Variants in ADAMTS18 observed in about 807,000 individuals in gnomAD.
ADAMTS18 encodes ADAM metallopeptidase with thrombospondin type 1 motif 18.
ADAMTS18 carries 157 observed loss-of-function variants against 165.9 expected under a neutral mutation model. The observed-to-expected ratio is 0.95, with a 90% CI of 0.83 to 1.08. ADAMTS18 has a LOEUF of 1.08. Ranked by LOEUF, ADAMTS18 falls within the 50% of genes least tolerant of loss-of-function variation. ADAMTS18 has a pLI of 0.00. For synonymous variants in ADAMTS18, 782 were observed against 578.2 expected, an observed-to-expected ratio of 1.35 and a Z score of -5.06; for missense variants, 2,040 against 1,534.0, an observed-to-expected ratio of 1.33 and a Z score of -5.51.
intron 3 of ADAMTS18, among the ~76,000 whole-genome samples, chr16:77,391,112 T>C (rs1171767680): frequency 6.6e-6 from 1 of 152,220 alleles, no homozygotes; most frequent in Non-Finnish European, 1.5e-5. Flanking sequence ...CAGGAGTGTC[T>C]ATCTACATAA....
rs569352747 is a variant in ADAMTS18, at chr16:77,409,004, G to A, written c.495+22291C>T. Among the ~76,000 whole-genome samples the A allele has an allele frequency of 4.8e-5, 5 of 103,652 alleles. No individual in the cohort carries two copies. The East Asian group carries it at 9.0e-4, about 19-fold the overall frequency. The allele number at this position is 103,652 out of a possible 152,430, so 68.0% of individuals were successfully genotyped here. A position where few individuals can be genotyped will look rare whatever the true frequency, so the allele number is the denominator to read the frequency against. On this transcript the variant is annotated intron_variant, in intron 3 of 22. Transcript: ENST00000282849. ...TTATTATTATTGATAATCTCTTACT[G>A]TGCCTAATTTATGTTAAACTTTATC...
intron 11 of ADAMTS18, among the ~76,000 whole-genome samples, chr16:77,336,538 C>CT (rs1358974692): frequency 6.6e-6 from 1 of 152,142 alleles, no homozygotes; most frequent in Admixed American, 6.5e-5. Flanking sequence ...ATCCTTTTTC[C>CT]TTTGTCTACA....
chr16:77,359,478 G>T, intron 7 of ADAMTS18, 55 bp from the exon 8 acceptor site: 1 of 1,436,368 alleles, frequency 7.0e-7, no homozygotes, highest in Non-Finnish European at 9.7e-7. Flanking sequence ...ACAGATACAT[G>T]ATGATGATTT....
chr16:77,373,160 A>G (rs772353430), intron 3 of ADAMTS18, among the ~76,000 whole-genome samples: 41 of 152,238 alleles, frequency 2.7e-4, no homozygotes, highest in Non-Finnish European at 4.4e-4. Context: ...TTTAAACACC[A>G]TCTTCTCAGA....
In ADAMTS18 at chr16:77,367,483, G is replaced by C; in HGVS notation, c.736C>G (p.Arg246Gly). 1 of 1,614,190 alleles carries C rather than the reference G, an allele frequency of 6.2e-7. No homozygotes were observed. The highest frequency in any genetic ancestry group is 8.5e-7 in the Non-Finnish European group (1 of 1,180,024). ...CAAAAATGCTGCTTTTGCAACCTTC[G>C]ATGGTGATACTCTGTCTCTCGACTC... ...SQSRETEYHH[R>G]RLQKQHFCGR... The change falls in exon 4 of 23, where the codon CGA becomes GGA. Residue 246 changes from arginine to glycine, a missense_variant. Physicochemically the swap from Arg to Gly is moderately radical, Grantham distance 125 (BLOSUM62 -2). Transcript: ENST00000282849.
rs200685667 is a variant in ADAMTS18 at position 77,364,292 on chromosome 16, G to T, written c.868C>A (p.Gln290Lys). 5.6e-6 allele frequency: 9 copies of T among 1,613,888 alleles called. No homozygotes were observed. In the East Asian group the frequency reaches 1.3e-4, roughly 24 times the overall value. Residue 290 changes from glutamine (Q) to lysine (K), a missense_variant, in exon 5 of 23, where the codon CAA becomes AAA. Coordinates refer to ENST00000282849, the MANE Select transcript of ADAMTS18 (RefSeq NM_199355.4). ...GRPRRSAGKS[Q>K]KGLNVETLVV... ...AGGGTTTCCACATTGAGGCCCTTTT[G>T]TGATTTTCCAGCTGATCTTCTGGGT...
chr16:77,363,185 T>C (rs954955323), intron 6 of ADAMTS18, among the ~76,000 whole-genome samples: 4 of 152,218 alleles, frequency 2.6e-5, no homozygotes, highest in East Asian at 3.8e-4. Flanking sequence ...GTGAGTACCA[T>C]GTAATTTAAC....
intron 3 of ADAMTS18, among the ~76,000 whole-genome samples, chr16:77,416,914 C>T (rs1426324750): frequency 1.3e-5 from 2 of 152,082 alleles, no homozygotes; most frequent in Admixed American, 6.5e-5. Flanking sequence ...GTCAGAATTG[C>T]GCATGTTTTT....
At chr16:77,424,799 A>C (rs978352223) in intron 3 of ADAMTS18, among the ~76,000 whole-genome samples, 1 of 152,142 alleles carries the variant, frequency 6.6e-6, no homozygotes, top group Non-Finnish European at 1.5e-5. Flanking sequence ...CATAAATACA[A>C]CCCAGTCTAA....
chr16:77,427,040 A>G (rs1020076065), intron 3 of ADAMTS18, among the ~76,000 whole-genome samples: 1 of 148,598 alleles, frequency 6.7e-6, no homozygotes, highest in Non-Finnish European at 1.5e-5. Flanking sequence ...ATAAAAAATG[A>G]TGAGTCAATG....
intron 3 of ADAMTS18, among the ~76,000 whole-genome samples, chr16:77,414,486 T>C (rs1893652207): frequency 6.6e-6 from 1 of 152,256 alleles, no homozygotes; most frequent in East Asian, 1.9e-4. Flanking sequence ...GATTAAAATA[T>C]AATACCAACA....
At chr16:77,373,805 G>A (rs2056911429) in intron 3 of ADAMTS18, among the ~76,000 whole-genome samples, 2 of 152,112 alleles carry the variant, frequency 1.3e-5, no homozygotes, top group Non-Finnish European at 2.9e-5. Context: ...TCTTCAATAA[G>A]GAAACAAAAT....
Position 77,289,293 on chromosome 16 carries a change from G to C in ADAMTS18, c.3521C>G (p.Thr1174Arg). ...QKPPVLRACN[T>R]NFCPAPEKRE... is the part of the protein sequence containing the mutation. Reference sequence around the variant, plus strand: ...CTTTTCAGGAGCTGGACAGAAGTTTGTATTACAGGCTCGTAGCACCGGAGG... The same window carrying C: ...CTTTTCAGGAGCTGGACAGAAGTTTCTATTACAGGCTCGTAGCACCGGAGG... The change falls in exon 22 of 23, where the codon ACA (threonine) becomes AGA (arginine). Residue 1174 changes from threonine (T) to arginine (R), a missense_variant. By Grantham distance (71) the Thr-to-Arg change is moderately conservative. Coordinates refer to ENST00000282849, the MANE Select transcript of ADAMTS18 (RefSeq NM_199355.4). The C allele has an allele frequency of 3.7e-6, 6 of 1,614,188 alleles. No individual in the cohort carries two copies. The highest frequency in any genetic ancestry group is 5.1e-6 in the Non-Finnish European group (6 of 1,180,012).
intron 3 of ADAMTS18, among the ~76,000 whole-genome samples, chr16:77,389,668 G>C (rs917314673): frequency 6.6e-6 from 1 of 152,140 alleles, no homozygotes; most frequent in African/African-American, 2.4e-5. Flanking sequence ...TAAATTCTTC[G>C]AAAGGTCTCT....
intron 22 of ADAMTS18, among the ~76,000 whole-genome samples, chr16:77,285,905 G>T (rs909560190): frequency 6.6e-6 from 1 of 152,176 alleles, no homozygotes; most frequent in Non-Finnish European, 1.5e-5. Context: ...ACAAGTCCTT[G>T]TTCTACTCGA....
chr16:77,361,339 ATATAG>A (rs2056710243), intron 7 of ADAMTS18, among the ~76,000 whole-genome samples: 2 of 152,186 alleles, frequency 1.3e-5, no homozygotes, highest in South Asian at 2.1e-4. Context: ...ATATACTAGA[ATATAG>A]TATAGATATA....
chr16:77,363,432 A>G (rs1031653916), intron 6 of ADAMTS18, among the ~76,000 whole-genome samples: 2 of 152,112 alleles, frequency 1.3e-5, no homozygotes, highest in African/African-American at 4.8e-5. Flanking sequence ...TGCAAAATCT[A>G]GCTAATCCTT....
intron 3 of ADAMTS18, among the ~76,000 whole-genome samples, chr16:77,369,732 A>G (rs897644726): frequency 2.0e-5 from 3 of 152,218 alleles, no homozygotes; most frequent in African/African-American, 7.2e-5. Flanking sequence ...GTAGTTTTCC[A>G]AACTCATTCT....
Position 77,415,574 on chromosome 16 carries a change from G to C in ADAMTS18, c.495+15721C>G, listed in dbSNP as rs1402652176. ...GTTTATTTCTGAACCAACTACTCTA[G>C]GTCAACGATATCTGATGTTCTGACT... On this transcript the variant is annotated intron_variant, in intron 3 of 22. Transcript: ENST00000282849. 2.0e-5 allele frequency among the ~76,000 whole-genome samples: 3 copies of C among 151,934 alleles called. No individual in the cohort carries two copies. The East Asian group carries it at 5.8e-4, about 29-fold the overall frequency.
Sources: gnomAD v4.1 joint callset for allele counts (sites outside exome capture counted in the v4.1 genomes callset) on GRCh38, gnomAD v4.1.1 for gene constraint, MANE v1.5 for transcripts, NCBI Gene and HGNC (gene_info 2026-07-23, HGNC 2026-07-21) for gene names.